HOXC5: variants seen among roughly 807,000 people sequenced by gnomAD.
The protein encoded by HOXC5 is homeobox C5, also known as homeobox protein Hox-C5.
Under a neutral mutation model 20.1 loss-of-function variants are expected in HOXC5, and 19 were observed. The observed-to-expected ratio is 0.94, with a 90% CI of 0.66 to 1.38. The LOEUF (loss-of-function observed/expected upper bound fraction) is 1.38, where lower values mean the gene tolerates loss of function less well. Among genes scored for constraint, HOXC5 ranks in the 40% most tolerant of loss-of-function variants. HOXC5 has a pLI of 0.00. For synonymous variants in HOXC5, 124 were observed against 117.0 expected (o/e 1.06, Z -0.39); for missense variants, 330 against 300.1 (o/e 1.10, Z -0.74).
At chr12:54,030,163 C>T, upstream of HOXC5, 1 of 536,446 alleles carries the variant, frequency 1.9e-6, no homozygotes, top group Non-Finnish European at 3.3e-6. Flanking sequence ...CCACGCGCCT[C>T]CTCCTCCTCG....
chr12:54,021,768 A>ACGG, the HOXC5 span: 1 of 152,278 alleles, frequency 6.6e-6, no homozygotes, highest in Non-Finnish European at 1.5e-5. Flanking sequence ...GGCCTCTGCC[A>ACGG]CGGCGCCGCA....
At chr12:54,026,943 C>CT in the HOXC5 span, among the ~76,000 whole-genome samples, 1,065 of 140,398 alleles carry the variant, frequency 7.6e-3, 18 homozygotes, top group African/African-American at 0.028. Flanking sequence ...CTTTCCCCCC[C>CT]CCCAACCCAC....
chr12:54,031,727 G>A (rs149304279), upstream of HOXC5, among the ~76,000 whole-genome samples: 1 of 152,152 alleles, frequency 6.6e-6, no homozygotes, highest in Non-Finnish European at 1.5e-5. Context: ...GTGAGGAGGG[G>A]GCCTTCTCCT....
chr12:54,024,014 A>G, the HOXC5 span, among the ~76,000 whole-genome samples: 6 of 152,194 alleles, frequency 3.9e-5, no homozygotes, highest in Non-Finnish European at 8.8e-5. Flanking sequence ...AGTAGAATTT[A>G]TTTTTTAATT....
upstream of HOXC5, among the ~76,000 whole-genome samples, chr12:54,031,163 C>T (rs1940970885): frequency 6.6e-6 from 1 of 152,262 alleles, no homozygotes. Flanking sequence ...CCTCGGCGTC[C>T]GAACCCTGAG....
At chr12:54,033,889 T>TC in intron 1 of HOXC5, 1 of 349,592 alleles carries the variant, frequency 2.9e-6, no homozygotes, top group Non-Finnish European at 5.7e-6. Flanking sequence ...CGCGGCTCCC[T>TC]CCCTCCCTCC....
rs1053908057 is a variant in HOXC5, at chr12:54,033,410, C to T, written c.288C>T (p.Pro96=). The T allele has an allele frequency of 3.1e-6, 5 of 1,610,512 alleles. No homozygotes were observed. Among genetic ancestry groups the T allele is most frequent in the African/African-American group, 2.7e-5 (2 of 74,984 alleles). Residue 96 remains proline (P), a synonymous_variant, in exon 1 of 2, where the codon CCC becomes CCT. Coordinates refer to ENST00000312492, the MANE Select transcript of HOXC5 (RefSeq NM_018953.4). ...PGRDEAAPLN[P]GMYSQKAARP... is the part of the protein sequence containing the mutation. ...GAGACGAAGCGGCTCCTCTGAACCC[C>T]GGGATGTACAGTCAGAAGGCGGCTC... is the stretch of plus-strand genomic sequence containing the variant.
chr12:54,028,813 AC>A (rs1940850750), upstream of HOXC5: 1 of 1,614,074 alleles, frequency 6.2e-7, no homozygotes, highest in Non-Finnish European at 8.5e-7. Flanking sequence ...TAACACACAG[AC>A]CTCAATCGCT....
chr12:54,026,521 G>A, the HOXC5 span, among the ~76,000 whole-genome samples: 3 of 152,186 alleles, frequency 2.0e-5, no homozygotes, highest in African/African-American at 7.2e-5. Context: ...TCCTTGGGGA[G>A]AAGAAAGTGT....
At chr12:54,023,707 T>C in the HOXC5 span, among the ~76,000 whole-genome samples, 1 of 152,226 alleles carries the variant, frequency 6.6e-6, no homozygotes. Context: ...TATCCATTTC[T>C]GTGTTAGGTG....
At chr12:54,033,601 G>A in intron 1 of HOXC5, 25 bp downstream of exon 1, 2 of 1,513,380 alleles carry the variant, frequency 1.3e-6, no homozygotes, top group Admixed American at 2.0e-5. Context: ...TTCATTTTGC[G>A]CTCTCGGGTC....
the HOXC5 span, among the ~76,000 whole-genome samples, chr12:54,026,045 T>A: frequency 6.6e-6 from 1 of 152,216 alleles, no homozygotes; most frequent in Non-Finnish European, 1.5e-5. Flanking sequence ...CAATTTGTTG[T>A]ACATTGCAAC....
chr12:54,024,379 TGCAGC>T, the HOXC5 span, among the ~76,000 whole-genome samples: 443 of 152,202 alleles, frequency 2.9e-3, 12 homozygotes, highest in East Asian at 0.068. Context: ...GAGCTGTAGT[TGCAGC>T]GCGGCAGTCA....
chr12:54,024,386 C>T, the HOXC5 span, among the ~76,000 whole-genome samples: 1 of 151,896 alleles, frequency 6.6e-6, no homozygotes, highest in East Asian at 1.9e-4. Context: ...AGTTGCAGCG[C>T]GGCAGTCAGG....
At chr12:54,032,662 A>G (rs904350234), upstream of HOXC5, among the ~76,000 whole-genome samples, 1 of 152,202 alleles carries the variant, frequency 6.6e-6, no homozygotes, top group African/African-American at 2.4e-5. Flanking sequence ...TGCCCCAACA[A>G]CCAGCTTCTC....
Position 54,033,358 on chromosome 12 carries a change from C to T in HOXC5, c.236C>T (p.Ala79Val). The T allele has an allele frequency of 1.2e-6, 2 of 1,612,732 alleles. No homozygotes were observed. The highest frequency in any genetic ancestry group is 1.7e-6 in the Non-Finnish European group (2 of 1,179,348). ...CCCGACCGCCCCGCCTGCAGCGCCG[C>T]GGCCGCTCCGGGACACGCTCCGGGC... is the stretch of plus-strand genomic sequence containing the variant. Reference protein sequence around the residue: ...AHPDRPACSAAAAPGHAPGRD... With the variant: ...AHPDRPACSAVAAPGHAPGRD... Residue 79 changes from alanine to valine, a missense_variant, in exon 1 of 2, where the codon GCG becomes GTG. Ala to Val is a moderately conservative substitution (Grantham distance 64). Coordinates refer to ENST00000312492, the MANE Select transcript of HOXC5 (RefSeq NM_018953.4).
At chr12:54,029,930 G>A (rs777858592), upstream of HOXC5, 4 of 1,595,976 alleles carry the variant, frequency 2.5e-6, no homozygotes, top group Admixed American at 5.3e-5. Flanking sequence ...GGAAAAGCGG[G>A]AAGAGACAGA....
intron 1 of HOXC5, 135 bp from the exon 2 acceptor site, chr12:54,034,143 G>A (rs1242211606): frequency 1.2e-6 from 1 of 865,434 alleles, no homozygotes; most frequent in Non-Finnish European, 1.9e-6. Context: ...GCCCGCCTGC[G>A]GCCCGCGTGG....
rs778375683 is a variant in HOXC5, at chr12:54,033,405, AACCCCGGGATGT to A, written c.286_297del (p.Pro96_Tyr99del). 2.0e-5 allele frequency: 33 copies of A among 1,611,224 alleles called. 1 individual carries two copies. The East Asian group carries it at 6.5e-4, about 32-fold the overall frequency. ...GGGCAGAGACGAAGCGGCTCCTCTG[AACCCCGGGATGT>A]ACAGTCAGAAGGCGGCTCGCCCGGC... On this transcript the variant is annotated inframe_deletion, in exon 1 of 2. Transcript: ENST00000312492.
Sources: allele counts gnomAD v4.1 joint callset (sites outside exome capture counted in the v4.1 genomes callset), GRCh38; gene constraint gnomAD v4.1.1; transcripts MANE v1.5; gene names NCBI Gene and HGNC (gene_info 2026-07-23, HGNC 2026-07-21).